LDLRAD4: variants seen among roughly 807,000 people sequenced by gnomAD.
LDLRAD4 encodes low-density lipoprotein receptor class A domain-containing protein 4.
Under a neutral mutation model 17.0 loss-of-function variants are expected in LDLRAD4, and 5 were observed. That is an observed-to-expected ratio of 0.29 (90% CI 0.15 to 0.62). LDLRAD4 has a LOEUF of 0.62. LDLRAD4 is among the 20% of genes least tolerant of loss of function. The pLI is 0.84. For missense variants in LDLRAD4, 340 were observed against 424.7 expected (o/e 0.80, Z 1.75); for synonymous variants, 168 against 171.8 (o/e 0.98, Z 0.17).
intron 1 of LDLRAD4, among the ~76,000 whole-genome samples, chr18:13,302,829 C>T (rs1017313331): frequency 2.0e-5 from 3 of 152,100 alleles, no homozygotes; most frequent in Non-Finnish European, 2.9e-5. Context: ...TACATGCAGT[C>T]ATGTTTATGC....
chr18:13,580,939 G>T (rs1344913457), intron 3 of LDLRAD4, among the ~76,000 whole-genome samples: 1 of 152,230 alleles, frequency 6.6e-6, no homozygotes, highest in Admixed American at 6.5e-5. Context: ...CTGGTTGGTG[G>T]ATACCTGGTT....
chr18:13,456,745 A>G (rs2092155570), intron 3 of LDLRAD4, among the ~76,000 whole-genome samples: 1 of 152,244 alleles, frequency 6.6e-6, no homozygotes, highest in Admixed American at 6.5e-5. Context: ...ATGGGAAACT[A>G]TTATATTTGC....
At chr18:13,239,055 C>T (rs532702524) in intron 1 of LDLRAD4, among the ~76,000 whole-genome samples, 1 of 151,868 alleles carries the variant, frequency 6.6e-6, no homozygotes, top group East Asian at 1.9e-4. Context: ...GGCGTGGTGG[C>T]GCACACCTGT....
chr18:13,316,071 A>G (rs1341974177), intron 1 of LDLRAD4, among the ~76,000 whole-genome samples: 1 of 152,174 alleles, frequency 6.6e-6, no homozygotes, highest in Non-Finnish European at 1.5e-5. Flanking sequence ...TGCCAGCAGG[A>G]TTTGAAGTGA....
chr18:13,312,804 C>T (rs553847190), intron 1 of LDLRAD4, among the ~76,000 whole-genome samples: 22 of 152,230 alleles, frequency 1.4e-4, no homozygotes, highest in African/African-American at 5.3e-4. Flanking sequence ...TATAATACTA[C>T]GCATTTTTCC....
chr18:13,401,419 A>G (rs2087182895), intron 2 of LDLRAD4, among the ~76,000 whole-genome samples: 2 of 150,870 alleles, frequency 1.3e-5, no homozygotes, highest in African/African-American at 4.9e-5. Flanking sequence ...GTTTCACCAC[A>G]GTAGAAGGGC....
At chr18:13,285,734 G>A (rs2045585209) in intron 1 of LDLRAD4, among the ~76,000 whole-genome samples, 1 of 152,104 alleles carries the variant, frequency 6.6e-6, no homozygotes, top group Non-Finnish European at 1.5e-5. Context: ...AAACTCGGGG[G>A]TTGTGGTAGG....
intron 3 of LDLRAD4, among the ~76,000 whole-genome samples, chr18:13,535,510 G>C (rs2094190404): frequency 6.6e-6 from 1 of 151,898 alleles, no homozygotes; most frequent in Non-Finnish European, 1.5e-5. Context: ...ATTTTTTATT[G>C]GGTTGTCTAT....
At chr18:13,264,206 G>T (rs773841569) in intron 1 of LDLRAD4, among the ~76,000 whole-genome samples, 1 of 152,208 alleles carries the variant, frequency 6.6e-6, no homozygotes, top group Non-Finnish European at 1.5e-5. Context: ...GTTGCGGGAT[G>T]GACCTGAGTG....
intron 1 of LDLRAD4, among the ~76,000 whole-genome samples, chr18:13,236,168 A>AC (rs2042320257): frequency 6.6e-6 from 1 of 152,106 alleles, no homozygotes; most frequent in African/African-American, 2.4e-5. Flanking sequence ...TCCATCTGGC[A>AC]CCCGTCGCTC....
chr18:13,317,930 A>G (rs1333373871), intron 1 of LDLRAD4, among the ~76,000 whole-genome samples: 1 of 152,234 alleles, frequency 6.6e-6, no homozygotes, highest in East Asian at 1.9e-4. Flanking sequence ...TTTCTACTAG[A>G]GGAATCTATG....
intron 3 of LDLRAD4, among the ~76,000 whole-genome samples, chr18:13,574,364 C>G (rs543853915): frequency 1.3e-5 from 2 of 152,300 alleles, no homozygotes; most frequent in East Asian, 3.9e-4. Context: ...CAACCGCTCT[C>G]TGTTCACAGT....
chr18:13,328,878 T>A (rs1030026693), intron 1 of LDLRAD4, among the ~76,000 whole-genome samples: 3 of 152,232 alleles, frequency 2.0e-5, no homozygotes, highest in Non-Finnish European at 4.4e-5. Flanking sequence ...TTTAAGCATA[T>A]AAAATAAACA....
chr18:13,481,789 A>G (rs1460530850), intron 3 of LDLRAD4, among the ~76,000 whole-genome samples: 4 of 152,136 alleles, frequency 2.6e-5, no homozygotes, highest in Non-Finnish European at 5.9e-5. Flanking sequence ...CTAGGAAGGG[A>G]GGATGGTTAG....
exon 6 of LDLRAD4, chr18:13,652,202 C>T (rs2043274663): frequency 6.6e-6 from 1 of 152,232 alleles, no homozygotes; most frequent in Non-Finnish European, 1.5e-5. Context: ...TTTGTTACCA[C>T]ATCATTGCTT....
At chr18:13,648,549 C>T (rs995884371) in exon 6 of LDLRAD4, 3 of 152,330 alleles carry the variant, frequency 2.0e-5, no homozygotes, top group Non-Finnish European at 2.9e-5. Context: ...ACCGTGTCGC[C>T]TCATGGCTAG....
chr18:13,341,742 A>C (rs142113383), intron 1 of LDLRAD4, among the ~76,000 whole-genome samples: 1 of 152,146 alleles, frequency 6.6e-6, no homozygotes, highest in Non-Finnish European at 1.5e-5. Context: ...TTCTTGCCTG[A>C]TTGCTATGGC....
intron 1 of LDLRAD4, among the ~76,000 whole-genome samples, chr18:13,221,854 T>C (rs148056382): frequency 1.3e-5 from 2 of 152,314 alleles, no homozygotes; most frequent in African/African-American, 4.8e-5. Flanking sequence ...ACAAAGAACA[T>C]AGATATAATT....
intron 3 of LDLRAD4, among the ~76,000 whole-genome samples, chr18:13,456,988 GT>G (rs562787372): frequency 1.3e-5 from 2 of 152,340 alleles, no homozygotes; most frequent in South Asian, 4.1e-4. Context: ...TTTTCCTCTG[GT>G]GTGAGAGCAG....
Sources: gnomAD v4.1 joint callset for allele counts (sites outside exome capture counted in the v4.1 genomes callset) on GRCh38, gnomAD v4.1.1 for gene constraint, MANE v1.5 for transcripts, NCBI Gene and HGNC (gene_info 2026-07-23, HGNC 2026-07-21) for gene names.